The following TRIM5 variants were observed in gnomAD, a reference collection of about 807,000 sequenced individuals.
The protein encoded by TRIM5 is tripartite motif-containing protein 5.
In TRIM5, 31 loss-of-function variants were observed where a neutral mutation model predicts 35.6. That is an observed-to-expected ratio of 0.87 (90% CI 0.65 to 1.18). The LOEUF is 1.18. Ranked by LOEUF, TRIM5 falls within the 50% of genes most tolerant of loss-of-function variation. The pLI, the probability that TRIM5 is intolerant of heterozygous loss-of-function variation, is 0.00. For missense variants in TRIM5, 609 were observed against 591.6 expected, an observed-to-expected ratio of 1.03 and a Z score of -0.31; for synonymous variants, 243 against 215.6, an observed-to-expected ratio of 1.13 and a Z score of -1.11.
At chr11:5,641,270 G>T in the TRIM5 span, 3 of 1,600,272 alleles carry the variant, frequency 1.9e-6, no homozygotes, top group Non-Finnish European at 2.6e-6. Context: ...GTGGTCAATT[G>T]GAATAAAAAA....
rs564677822 is a variant in TRIM5, at chr11:5,668,499, G to A, written c.745-788C>T. Among the ~76,000 whole-genome samples, 9 of 152,028 alleles carry A rather than the reference G, an allele frequency of 5.9e-5. No homozygotes were observed. In the South Asian group the frequency reaches 1.2e-3, roughly 21 times the overall value. On this transcript the variant is annotated intron_variant, in intron 4 of 7. Coordinates refer to ENST00000380034, the MANE Select transcript of TRIM5 (RefSeq NM_033034.3). ...GAAGGAGTCTCACTTTGTTGCCCAGGAGTGCAGTGGCGTGATCTCGGGTCA... is the reference window on the plus strand; with the variant it reads ...GAAGGAGTCTCACTTTGTTGCCCAGAAGTGCAGTGGCGTGATCTCGGGTCA...
the TRIM5 span, among the ~76,000 whole-genome samples, chr11:5,657,421 G>T: frequency 6.8e-6 from 1 of 147,928 alleles, no homozygotes; most frequent in Non-Finnish European, 1.5e-5. Flanking sequence ...TAACAAACCT[G>T]CACGTTCTGC....
Position 5,665,681 on chromosome 11 carries a change from C to T in TRIM5, c.870G>A (p.Glu290=). 2 of 1,514,204 alleles carry T rather than the reference C, an allele frequency of 1.3e-6. No homozygotes were observed. Among genetic ancestry groups the T allele is most frequent in the Admixed American group, 2.5e-5 (1 of 40,790 alleles). The allele number at this position is 1,514,204 out of a possible 1,614,324, so 93.8% of individuals were successfully genotyped here. Residue 290 remains glutamate, a splice_region_variant and synonymous_variant, in exon 7 of 8, where the codon GAG becomes GAA. Coordinates refer to ENST00000380034, the MANE Select transcript of TRIM5 (RefSeq NM_033034.3). ...CCCAGTAGCGTCGGACATCTGTCAG[C>T]TCTGAAATGATAAAAATGCACAATA... The part of the protein sequence containing the change: ...DLKGMLEVFR[E]LTDVRRYWVD...
the TRIM5 span, among the ~76,000 whole-genome samples, chr11:5,622,000 A>G: frequency 3.3e-5 from 5 of 152,316 alleles, no homozygotes; most frequent in Non-Finnish European, 7.3e-5. Context: ...ACATGTCTTC[A>G]GCCTTGGTAA....
At chr11:5,629,803 G>A in the TRIM5 span, among the ~76,000 whole-genome samples, 1 of 152,176 alleles carries the variant, frequency 6.6e-6, no homozygotes, top group South Asian at 2.1e-4. Context: ...TGCCTCCCGG[G>A]TTCACGCCAT....
At chr11:5,636,246 CATT>C in the TRIM5 span, among the ~76,000 whole-genome samples, 2 of 152,112 alleles carry the variant, frequency 1.3e-5, no homozygotes, top group Non-Finnish European at 2.9e-5. Flanking sequence ...ACCTTGAAAA[CATT>C]ATAATTGAAA....
chr11:5,666,270 C>A, intron 5 of TRIM5, 189 bp from the exon 6 acceptor site: 1 of 669,102 alleles, frequency 1.5e-6, no homozygotes, highest in South Asian at 1.6e-5. Context: ...TTCCCACTTA[C>A]TTTCTGTGAG....
chr11:5,666,431 A>C (rs1268219692), intron 5 of TRIM5, among the ~76,000 whole-genome samples: 1 of 152,154 alleles, frequency 6.6e-6, no homozygotes, highest in South Asian at 2.1e-4. Flanking sequence ...TTGGTGCCTT[A>C]CAAAAGAAAC....
chr11:5,640,605 T>A, the TRIM5 span, among the ~76,000 whole-genome samples: 1 of 152,196 alleles, frequency 6.6e-6, no homozygotes, highest in Admixed American at 6.5e-5. Context: ...TTTCTTTTCT[T>A]GTGATGTCTT....
At chr11:5,666,847 C>G (rs1851180734) in intron 5 of TRIM5, among the ~76,000 whole-genome samples, 3 of 152,046 alleles carry the variant, frequency 2.0e-5, no homozygotes, top group Admixed American at 2.0e-4. Flanking sequence ...CACATATTAT[C>G]CAGAATATTA....
At chr11:5,665,476 A>G in intron 7 of TRIM5, 81 bp from the exon 8 acceptor site, 3 of 1,544,766 alleles carry the variant, frequency 1.9e-6, no homozygotes, top group Non-Finnish European at 2.6e-6. Flanking sequence ...TAAAGACTTG[A>G]GAGAAAACTG....
At chr11:5,634,698 A>G in the TRIM5 span, 6 of 1,614,136 alleles carry the variant, frequency 3.7e-6, no homozygotes, top group Middle Eastern at 8.2e-4. Context: ...ATCCTAAATA[A>G]TGAGGAGCAG....
At chr11:5,660,134 GC>G (rs1429277897), downstream of TRIM5, among the ~76,000 whole-genome samples, 1 of 151,972 alleles carries the variant, frequency 6.6e-6, no homozygotes, top group African/African-American at 2.4e-5. Flanking sequence ...CCACCACCAT[GC>G]CCGGCTAATT....
At chr11:5,643,039 A>C in the TRIM5 span, 17 of 1,292,792 alleles carry the variant, frequency 1.3e-5, no homozygotes, top group Non-Finnish European at 1.8e-5. Flanking sequence ...TTCGTTCATC[A>C]CCATGTCACT....
chr11:5,605,263 A>T, the TRIM5 span: 1 of 1,603,770 alleles, frequency 6.2e-7, no homozygotes. Flanking sequence ...CCTGAGCCCA[A>T]CTTCCCCGCT....
the TRIM5 span, among the ~76,000 whole-genome samples, chr11:5,601,675 T>C: frequency 1.4e-4 from 22 of 152,272 alleles, no homozygotes; most frequent in African/African-American, 5.3e-4. Context: ...CGAGAATCGC[T>C]TGAACCCGGG....
the TRIM5 span, chr11:5,612,414 T>A: frequency 6.7e-6 from 1 of 150,160 alleles, no homozygotes. Flanking sequence ...AATAGAACAA[T>A]AAAAAAAAAT....
chr11:5,658,544 A>G (rs900695665), downstream of TRIM5, among the ~76,000 whole-genome samples: 1 of 151,778 alleles, frequency 6.6e-6, no homozygotes, highest in Non-Finnish European at 1.5e-5. Context: ...CAAAGAGGAA[A>G]CTCCTCCAAT....
the TRIM5 span, among the ~76,000 whole-genome samples, chr11:5,639,679 CAAAAAAAAAAA>C: frequency 2.7e-4 from 14 of 51,142 alleles, no homozygotes; most frequent in Admixed American, 6.3e-4. Flanking sequence ...GACTCTATTT[CAAAAAAAAAAA>C]AAAAAAAAAA....
Sources: allele counts gnomAD v4.1 joint callset (sites outside exome capture counted in the v4.1 genomes callset), GRCh38; gene constraint gnomAD v4.1.1; transcripts MANE v1.5; gene names NCBI Gene and HGNC (gene_info 2026-07-23, HGNC 2026-07-21).